Variants in ZMAT4 observed in about 807,000 individuals in gnomAD.
The protein encoded by ZMAT4 is zinc finger matrin-type protein 4.
A neutral mutation model predicts 28.7 loss-of-function variants in ZMAT4; 17 were observed. The ratio of observed to expected loss-of-function variants is 0.59; its 90% CI spans 0.41 to 0.89. The LOEUF (loss-of-function observed/expected upper bound fraction) is 0.89, where lower values mean the gene tolerates loss of function less well. Among genes scored for constraint, ZMAT4 ranks in the 40% least tolerant of loss-of-function variants. The probability of loss-of-function intolerance (pLI) is 0.00; values close to 1 mark genes in which losing one functional copy is unlikely to be tolerated. For missense variants in ZMAT4, 240 were observed against 283.8 expected, an observed-to-expected ratio of 0.85 and a Z score of 1.11; for synonymous variants, 117 against 109.2, an observed-to-expected ratio of 1.07 and a Z score of -0.44.
chr8:40,566,106 T>C (rs756326854), intron 6 of ZMAT4, among the ~76,000 whole-genome samples: 2 of 152,124 alleles, frequency 1.3e-5, no homozygotes, highest in Admixed American at 6.6e-5. Context: ...ACTTAATAAA[T>C]ATTTGCTAAA....
chr8:40,838,055 G>T (rs936887424), intron 1 of ZMAT4, among the ~76,000 whole-genome samples: 2 of 152,286 alleles, frequency 1.3e-5, no homozygotes, highest in East Asian at 3.9e-4. Flanking sequence ...CATCGAAGTC[G>T]CAGGGTCTTG....
chr8:40,591,174 A>G (rs1379168915), intron 5 of ZMAT4, among the ~76,000 whole-genome samples: 3 of 152,158 alleles, frequency 2.0e-5, no homozygotes, highest in Non-Finnish European at 2.9e-5. Context: ...AGTCATTAAC[A>G]CTTAGGTGGC....
chr8:40,592,016 G>C (rs1804910173), intron 5 of ZMAT4, among the ~76,000 whole-genome samples: 1 of 151,902 alleles, frequency 6.6e-6, no homozygotes, highest in South Asian at 2.1e-4. Flanking sequence ...GAAGAACCCT[G>C]TTTCTTTTGT....
rs1035111921 is a variant in ZMAT4 at position 40,815,155 on chromosome 8, A to T, written c.102+10420T>A. Among the ~76,000 whole-genome samples, 3 of 152,108 alleles carry T rather than the reference A, an allele frequency of 2.0e-5. No individual in the cohort carries two copies. In the South Asian group the frequency reaches 6.2e-4, roughly 32 times the overall value. On this transcript the variant is annotated intron_variant, in intron 2 of 6. Transcript: ENST00000297737. ...CCGGGTGTGGTGCTGCGTGCCTGTA[A>T]TCCCAGCTACTCGAGTGGCTGATGC...
intron 5 of ZMAT4, among the ~76,000 whole-genome samples, chr8:40,586,411 T>A (rs1487665130): frequency 6.6e-6 from 1 of 152,186 alleles, no homozygotes; most frequent in Non-Finnish European, 1.5e-5. Context: ...CAAGGACCTG[T>A]CAGACAATCC....
intron 3 of ZMAT4, among the ~76,000 whole-genome samples, chr8:40,766,723 T>C (rs973299436): frequency 6.6e-6 from 1 of 152,206 alleles, no homozygotes; most frequent in East Asian, 1.9e-4. Flanking sequence ...CCTCTGCTCA[T>C]AGGCAGTTCT....
intron 1 of ZMAT4, among the ~76,000 whole-genome samples, chr8:40,885,418 C>T (rs1335402517): frequency 6.6e-6 from 1 of 152,248 alleles, no homozygotes; most frequent in Non-Finnish European, 1.5e-5. Context: ...CCCTTCTTGC[C>T]AGGACCAGTG....
At chr8:40,647,215 C>T (rs930343198) in intron 5 of ZMAT4, among the ~76,000 whole-genome samples, 6 of 152,236 alleles carry the variant, frequency 3.9e-5, no homozygotes, top group Admixed American at 2.0e-4. Flanking sequence ...TCAGTGGGTG[C>T]GCCCACCGTG....
At chr8:40,888,778 G>T (rs566818500) in intron 1 of ZMAT4, among the ~76,000 whole-genome samples, 2 of 152,158 alleles carry the variant, frequency 1.3e-5, no homozygotes, top group Non-Finnish European at 2.9e-5. Context: ...GGGCCACCTC[G>T]GGGGGGCCCG....
At chr8:40,793,231 C>T (rs556651194) in intron 2 of ZMAT4, among the ~76,000 whole-genome samples, 1 of 152,226 alleles carries the variant, frequency 6.6e-6, no homozygotes, top group Non-Finnish European at 1.5e-5. Flanking sequence ...TTTTGTAAAC[C>T]TAAAACTGAG....
intron 4 of ZMAT4, among the ~76,000 whole-genome samples, chr8:40,682,960 G>T (rs1269527657): frequency 1.3e-5 from 2 of 152,090 alleles, no homozygotes; most frequent in African/African-American, 4.8e-5. Context: ...TTCTTGTGTT[G>T]CTTGGCAAAA....
At chr8:40,757,843 C>T (rs1812759803) in intron 3 of ZMAT4, among the ~76,000 whole-genome samples, 1 of 151,998 alleles carries the variant, frequency 6.6e-6, no homozygotes, top group African/African-American at 2.4e-5. Context: ...GAGAGGCAGA[C>T]CCACCCTCAG....
At chr8:40,806,413 T>C (rs1815086766) in intron 2 of ZMAT4, among the ~76,000 whole-genome samples, 1 of 152,216 alleles carries the variant, frequency 6.6e-6, no homozygotes, top group Non-Finnish European at 1.5e-5. Context: ...ATGAAAAATG[T>C]CCAAATACAG....
intron 3 of ZMAT4, among the ~76,000 whole-genome samples, chr8:40,727,007 G>A (rs764469351): frequency 3.9e-5 from 6 of 152,162 alleles, no homozygotes; most frequent in Non-Finnish European, 7.4e-5. Flanking sequence ...GGTACAAGAA[G>A]ATATTTCGGA....
At chr8:40,786,905 T>C (rs924749849) in intron 2 of ZMAT4, 1 of 373,188 alleles carries the variant, frequency 2.7e-6, no homozygotes, top group African/African-American at 2.1e-5. Context: ...GTTAACAAGA[T>C]TAAAACAGAA....
chr8:40,865,886 A>T (rs935900680), intron 1 of ZMAT4, among the ~76,000 whole-genome samples: 1 of 152,184 alleles, frequency 6.6e-6, no homozygotes, highest in African/African-American at 2.4e-5. Context: ...AGATTTTAGA[A>T]GGCCAAACCA....
intron 5 of ZMAT4, among the ~76,000 whole-genome samples, chr8:40,665,073 G>C (rs1015036526): frequency 6.6e-6 from 1 of 152,152 alleles, no homozygotes; most frequent in Non-Finnish European, 1.5e-5. Flanking sequence ...AGGCGTGGTG[G>C]TGGGCACCTG....
At chr8:40,872,438 C>T (rs971598539) in intron 1 of ZMAT4, among the ~76,000 whole-genome samples, 3 of 152,172 alleles carry the variant, frequency 2.0e-5, no homozygotes, top group Admixed American at 6.5e-5. Context: ...CCCCAGTACC[C>T]CCCCCAACCC....
At chr8:40,694,796 A>G (rs1585890908) in intron 4 of ZMAT4, among the ~76,000 whole-genome samples, 1 of 151,706 alleles carries the variant, frequency 6.6e-6, no homozygotes, top group Non-Finnish European at 1.5e-5. Flanking sequence ...AGAAACCAGA[A>G]CCGCCTTTTC....
Sources: gnomAD v4.1 joint callset for allele counts (sites outside exome capture counted in the v4.1 genomes callset) on GRCh38, gnomAD v4.1.1 for gene constraint, MANE v1.5 for transcripts, NCBI Gene and HGNC (gene_info 2026-07-23, HGNC 2026-07-21) for gene names.